Variants in SGCZ observed in about 807,000 individuals in gnomAD.
The protein encoded by SGCZ is zeta-sarcoglycan.
In SGCZ, 40 loss-of-function variants were observed where a neutral mutation model predicts 41.3. The observed-to-expected ratio is 0.97, with a 90% CI of 0.75 to 1.26. The LOEUF (loss-of-function observed/expected upper bound fraction) is 1.26, where lower values mean the gene tolerates loss of function less well. SGCZ is among the 50% of genes most tolerant of loss of function. SGCZ has a pLI of 0.00. For synonymous variants in SGCZ, 206 were observed against 137.5 expected, an observed-to-expected ratio of 1.50 and a Z score of -3.49; for missense variants, 552 against 369.8, an observed-to-expected ratio of 1.49 and a Z score of -4.04.
intron 2 of SGCZ, among the ~76,000 whole-genome samples, chr8:14,454,462 A>G (rs1800685964): frequency 6.6e-6 from 1 of 152,266 alleles, no homozygotes; most frequent in East Asian, 1.9e-4. Context: ...CCGTTAGATA[A>G]ATGAAGTTAA....
intron 1 of SGCZ, among the ~76,000 whole-genome samples, chr8:14,602,682 C>G (rs2117316772): frequency 6.6e-6 from 1 of 152,276 alleles, no homozygotes; most frequent in Admixed American, 6.5e-5. Context: ...TTTCCTTTCT[C>G]TATGCTTCTC....
chr8:14,501,929 TA>T (rs1185589189), intron 2 of SGCZ, among the ~76,000 whole-genome samples: 1 of 152,104 alleles, frequency 6.6e-6, no homozygotes, highest in Non-Finnish European at 1.5e-5. Flanking sequence ...ATATGTTGAA[TA>T]AAAATTACGC....
At chr8:14,778,799 G>T (rs776094148) in intron 1 of SGCZ, among the ~76,000 whole-genome samples, 1 of 152,098 alleles carries the variant, frequency 6.6e-6, no homozygotes, top group Non-Finnish European at 1.5e-5. Flanking sequence ...CATTTGATTG[G>T]GATAAAGAAA....
At chr8:14,633,087 G>T (rs1806712170) in intron 1 of SGCZ, among the ~76,000 whole-genome samples, 1 of 151,976 alleles carries the variant, frequency 6.6e-6, no homozygotes, top group Non-Finnish European at 1.5e-5. Flanking sequence ...AACTGTCACA[G>T]CAATGGTATT....
chr8:14,278,469 G>C (rs895812994), intron 3 of SGCZ, among the ~76,000 whole-genome samples: 1 of 152,118 alleles, frequency 6.6e-6, no homozygotes, highest in Admixed American at 6.6e-5. Context: ...AATGGAAAAA[G>C]TATGCAGAGA....
intron 3 of SGCZ, among the ~76,000 whole-genome samples, chr8:14,312,542 C>A (rs923896937): frequency 6.6e-6 from 1 of 152,034 alleles, no homozygotes. Context: ...CTGCTTGAGG[C>A]CAGGAACTTG....
intron 4 of SGCZ, among the ~76,000 whole-genome samples, chr8:14,212,537 C>G (rs1805853010): frequency 6.7e-6 from 1 of 148,600 alleles, no homozygotes; most frequent in Admixed American, 6.7e-5. Flanking sequence ...CATCATCCCA[C>G]AAAGTAGGCC....
At chr8:14,683,896 T>C (rs1404117495) in intron 1 of SGCZ, among the ~76,000 whole-genome samples, 2 of 152,146 alleles carry the variant, frequency 1.3e-5, no homozygotes, top group African/African-American at 2.4e-5. Flanking sequence ...CCATCAACTA[T>C]AGAATTTCAT....
intron 3 of SGCZ, among the ~76,000 whole-genome samples, chr8:14,270,654 G>T (rs1010005177): frequency 6.6e-6 from 1 of 152,112 alleles, no homozygotes; most frequent in Non-Finnish European, 1.5e-5. Context: ...GGAAAAATGT[G>T]AATGTATGCA....
chr8:14,159,386 A>C (rs1038500028), intron 5 of SGCZ, among the ~76,000 whole-genome samples: 1 of 152,184 alleles, frequency 6.6e-6, no homozygotes, highest in African/African-American at 2.4e-5. Flanking sequence ...TAAAAAAATA[A>C]ATCATGAAGA....
intron 1 of SGCZ, among the ~76,000 whole-genome samples, chr8:14,652,357 T>TGAG (rs1554473426): frequency 8.4e-5 from 5 of 59,718 alleles, no homozygotes; most frequent in African/African-American, 3.5e-4. Context: ...GGGGGGGGTG[T>TGAG]GGGGGGGAGA....
In SGCZ at chr8:14,285,413, T is replaced by A. The variant is rs192878434; in HGVS notation, c.336+38690A>T. On this transcript the variant is annotated intron_variant, in intron 3 of 7. Transcript: ENST00000382080. ...CTCTGTCTTTTTGATACGCTCAGCATAACTCCTGAGCCTTTCGAACTGGAT... is the reference window on the plus strand; with the variant it reads ...CTCTGTCTTTTTGATACGCTCAGCAAAACTCCTGAGCCTTTCGAACTGGAT... Among the ~76,000 whole-genome samples the A allele has an allele frequency of 5.1e-4, 77 of 152,234 alleles. No individual in the cohort carries two copies. The East Asian group carries it at 0.012, about 25-fold the overall frequency.
intron 1 of SGCZ, among the ~76,000 whole-genome samples, chr8:14,813,454 T>C (rs7341577): frequency 0.12 from 18,443 of 152,130 alleles, 1,641 homozygotes; most frequent in African/African-American, 0.24. Flanking sequence ...ATCTGATAAA[T>C]TGTTCGTTAC....
chr8:15,230,152 C>A (rs1186668519), intron 1 of SGCZ, among the ~76,000 whole-genome samples: 2 of 146,516 alleles, frequency 1.4e-5, no homozygotes, highest in Non-Finnish European at 3.0e-5. Context: ...TGACCCAAAA[C>A]TAAAATAAGT....
chr8:14,326,513 C>T (rs927396813), intron 2 of SGCZ, among the ~76,000 whole-genome samples: 7 of 151,918 alleles, frequency 4.6e-5, no homozygotes, highest in Admixed American at 1.3e-4. Flanking sequence ...TTGGAGGTGA[C>T]GAGGTCTGGA....
chr8:15,200,903 T>C (rs1405435642), intron 1 of SGCZ, among the ~76,000 whole-genome samples: 3 of 152,222 alleles, frequency 2.0e-5, no homozygotes, highest in Admixed American at 6.5e-5. Flanking sequence ...AAAACTCAAA[T>C]TGAAATGTAC....
intron 1 of SGCZ, among the ~76,000 whole-genome samples, chr8:14,561,695 A>C (rs1187440174): frequency 6.6e-6 from 1 of 152,112 alleles, no homozygotes; most frequent in East Asian, 1.9e-4. Context: ...GAGTATCCGC[A>C]TTGCTTATAT....
At chr8:14,486,207 C>G (rs549181490) in intron 2 of SGCZ, among the ~76,000 whole-genome samples, 1 of 152,240 alleles carries the variant, frequency 6.6e-6, no homozygotes, top group East Asian at 1.9e-4. Context: ...AAAGATCAAA[C>G]TTGCCTACAC....
chr8:14,195,931 A>G (rs2117057685), intron 4 of SGCZ, among the ~76,000 whole-genome samples: 1 of 152,296 alleles, frequency 6.6e-6, no homozygotes, highest in South Asian at 2.1e-4. Context: ...AATGCAAATG[A>G]CATCAGATGG....
Sources: allele counts gnomAD v4.1 joint callset (sites outside exome capture counted in the v4.1 genomes callset), GRCh38; gene constraint gnomAD v4.1.1; transcripts MANE v1.5; gene names NCBI Gene and HGNC (gene_info 2026-07-23, HGNC 2026-07-21).